Variants in AP2B1 observed in about 807,000 individuals in gnomAD.
AP2B1 encodes the protein AP-2 complex subunit beta.
AP2B1 carries 23 observed loss-of-function variants against 102.0 expected under a neutral mutation model. The ratio of observed to expected loss-of-function variants is 0.23; its 90% CI spans 0.16 to 0.32. The LOEUF (loss-of-function observed/expected upper bound fraction) is 0.32, where lower values mean the gene tolerates loss of function less well. Ranked by LOEUF, AP2B1 falls within the 10% of genes least tolerant of loss-of-function variation. The pLI, the probability that AP2B1 is intolerant of heterozygous loss-of-function variation, is 1.00. For synonymous variants in AP2B1, 381 were observed against 421.2 expected (o/e 0.90, Z 1.17); for missense variants, 541 against 1,157.4 (o/e 0.47, Z 7.73).
chr17:35,613,971 A>G (rs567649389), intron 5 of AP2B1, among the ~76,000 whole-genome samples: 1 of 152,246 alleles, frequency 6.6e-6, no homozygotes. Context: ...TTTGCAAGAA[A>G]ATGTGTATCT....
At chr17:35,647,528 CA>C (rs1293880319) in intron 12 of AP2B1, among the ~76,000 whole-genome samples, 1 of 152,038 alleles carries the variant, frequency 6.6e-6, no homozygotes. Context: ...TATACACATA[CA>C]CACATTTCTA....
chr17:35,707,962 G>A (rs782794692), intron 18 of AP2B1, among the ~76,000 whole-genome samples: 13 of 152,284 alleles, frequency 8.5e-5, no homozygotes, highest in African/African-American at 2.4e-4. Flanking sequence ...GAGAGAGAAC[G>A]CAAATATTAT....
At position 35,717,313 on chromosome 17, in the gene AP2B1, C is replaced by T. The variant is rs782067464; in HGVS notation, c.2745C>T (p.Ala915=). The change falls in exon 21 of 22, where the codon GCC becomes GCT. Residue 915 remains alanine (A), a synonymous_variant. Coordinates refer to ENST00000610402, the MANE Select transcript of AP2B1 (RefSeq NM_001030006.2). ...LKLTNGIWIL[A]ELRIQPGNPN... is the part of the protein sequence containing the mutation. The stretch of plus-strand genomic sequence containing the variant: ...TCACTAATGGCATTTGGATTTTGGC[C>T]GAACTACGTATCCAGCCAGGAAACC... 36 of 1,613,984 alleles carry T rather than the reference C, an allele frequency of 2.2e-5. No homozygotes were observed. The highest frequency in any genetic ancestry group is 2.0e-4 in the East Asian group (9 of 44,902).
rs948626862 is a variant in AP2B1, at chr17:35,682,707, C to A, written c.2337C>A (p.Ile779=). 1.2e-6 allele frequency: 2 copies of A among 1,610,420 alleles called. No homozygotes were observed. Among genetic ancestry groups the A allele is most frequent in the Admixed American group, 3.3e-5 (2 of 59,860 alleles). The change falls in exon 18 of 22, where the codon ATC becomes ATA. Residue 779 remains isoleucine (I), a synonymous_variant. Transcript: ENST00000610402. The part of the protein sequence containing the change: ...IQFNKNSFGV[I]PSTPLAIHTP... ...TCCTCTCTTCTAGCTTTGGTGTCAT[C>A]CCCAGCACTCCTCTGGCCATCCATA...
intron 18 of AP2B1, among the ~76,000 whole-genome samples, chr17:35,705,853 T>C (rs1358825426): frequency 1.3e-5 from 2 of 152,178 alleles, no homozygotes; most frequent in Admixed American, 1.3e-4. Flanking sequence ...AATTTTTCTT[T>C]TTTGAACAGA....
At chr17:35,600,801 T>A (rs893402192) in intron 3 of AP2B1, 2 of 153,332 alleles carry the variant, frequency 1.3e-5, no homozygotes, top group African/African-American at 4.8e-5. Flanking sequence ...ACAAAAACTC[T>A]TTGGGATGTC....
intron 17 of AP2B1, 72 bp from the exon 18 acceptor site, chr17:35,682,623 C>T (rs965727782): frequency 1.4e-5 from 21 of 1,512,694 alleles, no homozygotes; most frequent in Non-Finnish European, 1.9e-5. Context: ...GGATTACAGG[C>T]ATGAGCCACC....
Position 35,624,337 on chromosome 17 carries a change from G to T in AP2B1, c.526-60G>T, listed in dbSNP as rs554058730. 4.0e-6 allele frequency: 6 copies of T among 1,489,078 alleles called. No homozygotes were observed. In the African/African-American group the frequency reaches 7.0e-5, roughly 17 times the overall value. 92.2% of individuals were successfully genotyped at this position (1,489,078 alleles called of 1,614,324 possible). A position where few individuals can be genotyped will look rare whatever the true frequency, so the allele number is the denominator to read the frequency against. On this transcript the variant is annotated intron_variant, in intron 5 of 21. Transcript: ENST00000610402. ...AAATGACCCAGAGAAGGCTGATGAA[G>T]TGTTTGTCTATAGCTGTGCTGTTCT... is the stretch of plus-strand genomic sequence containing the variant.
intron 18 of AP2B1, among the ~76,000 whole-genome samples, chr17:35,687,837 C>T (rs2075967114): frequency 6.6e-6 from 1 of 152,160 alleles, no homozygotes; most frequent in Admixed American, 6.6e-5. Flanking sequence ...AGGTATGAGC[C>T]TCCACACCCT....
rs1002892601 is a variant in AP2B1, at chr17:35,606,780, T to C, written c.279+940T>C. 2.6e-5 allele frequency among the ~76,000 whole-genome samples: 4 copies of C among 152,166 alleles called. No homozygotes were observed. The East Asian group carries it at 5.8e-4, about 22-fold the overall frequency. ...ATATTTGTCAAGATAAGATCTTTTA[T>C]TTAAACATAACCACAATATCATCAT... On this transcript the variant is annotated intron_variant, in intron 4 of 21. Coordinates refer to ENST00000610402, the MANE Select transcript of AP2B1 (RefSeq NM_001030006.2).
chr17:35,643,823 A>G (rs1322663437), intron 12 of AP2B1, among the ~76,000 whole-genome samples: 1 of 152,126 alleles, frequency 6.6e-6, no homozygotes, highest in African/African-American at 2.4e-5. Context: ...TTACTTCATT[A>G]TGTTTTCTTC....
intron 18 of AP2B1, among the ~76,000 whole-genome samples, chr17:35,694,701 C>T (rs1410486262): frequency 6.6e-6 from 1 of 152,124 alleles, no homozygotes; most frequent in Non-Finnish European, 1.5e-5. Flanking sequence ...CATGGCAAAA[C>T]TCTGTCTCTG....
chr17:35,607,838 G>A (rs1306575682), intron 4 of AP2B1: 1 of 204,928 alleles, frequency 4.9e-6, no homozygotes, highest in Non-Finnish European at 9.6e-6. Context: ...TGTTTTTAGG[G>A]TAGATCCTAA....
In AP2B1 at chr17:35,693,828, C is replaced by T. The variant is rs587651568; in HGVS notation, c.2454+11004C>T. ...TGTATATGTATATGACCTTCTTCCCCAGTGGAACTACCCAGAGACAGCATC... is the reference window on the plus strand; with the variant it reads ...TGTATATGTATATGACCTTCTTCCCTAGTGGAACTACCCAGAGACAGCATC... On this transcript the variant is annotated intron_variant, in intron 18 of 21. Coordinates refer to ENST00000610402, the MANE Select transcript of AP2B1 (RefSeq NM_001030006.2). 8.3e-4 allele frequency among the ~76,000 whole-genome samples: 127 copies of T among 152,308 alleles called. 2 individuals carry two copies. Among genetic ancestry groups the T allele is most frequent in the African/African-American group, 2.8e-3 (117 of 41,554 alleles).
chr17:35,628,737 C>T (rs225256), intron 9 of AP2B1, among the ~76,000 whole-genome samples: 132,511 of 152,260 alleles, frequency 0.87, 58,068 homozygotes, highest in African/African-American at 0.97. Context: ...TTCCCACTTC[C>T]GTCTCCTGTT....
At chr17:35,609,341 C>G (rs1323768102) in intron 5 of AP2B1, among the ~76,000 whole-genome samples, 1 of 127,126 alleles carries the variant, frequency 7.9e-6, no homozygotes, top group East Asian at 2.4e-4. Flanking sequence ...GCCACCACAT[C>G]CCGCTAATTT....
At chr17:35,706,695 C>CA (rs1266010063) in intron 18 of AP2B1, among the ~76,000 whole-genome samples, 1 of 151,944 alleles carries the variant, frequency 6.6e-6, no homozygotes, top group African/African-American at 2.4e-5. Flanking sequence ...GGCCAGAGTG[C>CA]AATGGCACAA....
chr17:35,616,581 G>A (rs530404044), intron 5 of AP2B1, among the ~76,000 whole-genome samples: 14 of 152,152 alleles, frequency 9.2e-5, no homozygotes, highest in African/African-American at 3.4e-4. Context: ...AACATCTTAC[G>A]TAACCGTGGT....
intron 7 of AP2B1, 102 bp from the exon 8 acceptor site, chr17:35,627,283 G>T: frequency 1.6e-6 from 1 of 609,590 alleles, no homozygotes; most frequent in Non-Finnish European, 2.5e-6. Context: ...TGAGTGGAGC[G>T]AGAGGAGAGC....
Sources: allele counts gnomAD v4.1 joint callset (sites outside exome capture counted in the v4.1 genomes callset), GRCh38; gene constraint gnomAD v4.1.1; transcripts MANE v1.5; gene names NCBI Gene and HGNC (gene_info 2026-07-23, HGNC 2026-07-21).